Variants in PTPRN2 observed in about 807,000 individuals in gnomAD.
PTPRN2 encodes the protein receptor-type tyrosine-protein phosphatase N2.
Under a neutral mutation model 118.8 loss-of-function variants are expected in PTPRN2, and 74 were observed. That is an observed-to-expected ratio of 0.62 (90% confidence interval 0.52 to 0.76). The LOEUF is 0.76. Ranked by LOEUF, PTPRN2 falls within the 30% of genes least tolerant of loss-of-function variation. The pLI is 0.00. For missense variants in PTPRN2, 1,481 were observed against 1,394.4 expected, an observed-to-expected ratio of 1.06 and a Z score of -0.99; for synonymous variants, 641 against 608.0, an observed-to-expected ratio of 1.05 and a Z score of -0.80.
Position 157,784,075 on chromosome 7 carries a change from AGAG to A in PTPRN2, c.1789-101141_1789-101139del, listed in dbSNP as rs1429470100. Among the ~76,000 whole-genome samples, 1 of 152,200 alleles carries A rather than the reference AGAG, an allele frequency of 6.6e-6. No individual in the cohort carries two copies. The highest frequency in any genetic ancestry group is 1.5e-5 in the Non-Finnish European group (1 of 68,040). On this transcript the variant is annotated intron_variant, in intron 12 of 22. Coordinates refer to ENST00000389418, the MANE Select transcript of PTPRN2 (RefSeq NM_002847.5). This position sits in a 1 kb window ranked among gnomAD's most constrained non-coding sequence, Gnocchi z 4.6. ...GTAGAGACACTCATGGTGTAAGTGC[AGAG>A]GAGGAGAAGGAAGCTGGGATGGGTG... is the stretch of plus-strand genomic sequence containing the variant.
intron 12 of PTPRN2, among the ~76,000 whole-genome samples, chr7:157,892,590 T>G (rs568231413): frequency 4.1e-4 from 62 of 152,316 alleles, no homozygotes; most frequent in African/African-American, 1.4e-3. Context: ...GCTATTAGAT[T>G]TCTGTAATCA....
intron 12 of PTPRN2, among the ~76,000 whole-genome samples, chr7:157,842,945 C>T (rs1260674561): frequency 1.3e-5 from 2 of 152,190 alleles, no homozygotes; most frequent in Non-Finnish European, 2.9e-5. Context: ...GATGTGACAG[C>T]CCAATCCACA....
intron 4 of PTPRN2, among the ~76,000 whole-genome samples, chr7:158,204,795 T>C (rs937303061): frequency 2.6e-5 from 4 of 152,258 alleles, no homozygotes; most frequent in African/African-American, 9.6e-5. Context: ...TACGTTGCTA[T>C]GCTCTGGGAA....
At chr7:158,535,177 T>C (rs181840781) in intron 1 of PTPRN2, among the ~76,000 whole-genome samples, 1 of 152,330 alleles carries the variant, frequency 6.6e-6, no homozygotes, top group South Asian at 2.1e-4. Context: ...AGTTACCCTG[T>C]AGCAAAGGCA....
In PTPRN2 at chr7:158,534,713, G is replaced by T. The variant is rs115350884; in HGVS notation, c.113-44928C>A. 7.8e-3 allele frequency among the ~76,000 whole-genome samples: 1,194 copies of T among 152,278 alleles called. 16 individuals are homozygous for T. Among genetic ancestry groups the T allele is most frequent in the African/African-American group, 0.026 (1,087 of 41,542 alleles). Reference sequence around the variant, plus strand: ...AGCTAGCCTACCACGTCACACAGTGGCCATCTGCCCGGGCATGTTTCACCT... The same window carrying T: ...AGCTAGCCTACCACGTCACACAGTGTCCATCTGCCCGGGCATGTTTCACCT... On this transcript the variant is annotated intron_variant, in intron 1 of 22. Transcript: ENST00000389418.
At chr7:158,557,397 G>C (rs957114464) in intron 1 of PTPRN2, among the ~76,000 whole-genome samples, 3 of 151,768 alleles carry the variant, frequency 2.0e-5, no homozygotes, top group Non-Finnish European at 4.4e-5. Flanking sequence ...GGCAGCTCCC[G>C]CGCAGGTCAG....
chr7:158,052,629 G>A (rs2128897743), intron 11 of PTPRN2, among the ~76,000 whole-genome samples: 1 of 151,810 alleles, frequency 6.6e-6, no homozygotes, highest in Admixed American at 6.5e-5. Flanking sequence ...TTGCCTCGTG[G>A]GGGCCATGGA....
At chr7:158,101,357 T>C (rs1264315999) in intron 10 of PTPRN2, among the ~76,000 whole-genome samples, 1 of 152,148 alleles carries the variant, frequency 6.6e-6, no homozygotes, top group African/African-American at 2.4e-5. Context: ...TCTCCCCTTA[T>C]CCAAAAATCA....
At chr7:157,748,570 C>CTGCGGAGTG (rs1801200263) in intron 12 of PTPRN2, among the ~76,000 whole-genome samples, 4 of 149,378 alleles carry the variant, frequency 2.7e-5, no homozygotes, top group African/African-American at 7.5e-5. Flanking sequence ...CGTCCCTGAG[C>CTGCGGAGTG]TCTGGGGTGT....
In PTPRN2 at chr7:157,677,284, T is replaced by C; in HGVS notation, c.2001+5441A>G. 1.3e-5 allele frequency among the ~76,000 whole-genome samples: 2 copies of C among 152,182 alleles called. 1 individual carries two copies. Among genetic ancestry groups the C allele is most frequent in the Admixed American group, 1.3e-4 (2 of 15,282 alleles). ...CTCAGACTTTCCAATTTTTTTTTTA[T>C]TTCCAAATATCTCACTGCGTGGTCT... On this transcript the variant is annotated intron_variant, in intron 13 of 22. Coordinates refer to ENST00000389418, the MANE Select transcript of PTPRN2 (RefSeq NM_002847.5).
intron 1 of PTPRN2, among the ~76,000 whole-genome samples, chr7:158,560,776 G>A (rs1288242545): frequency 6.6e-6 from 1 of 152,186 alleles, no homozygotes; most frequent in Non-Finnish European, 1.5e-5. Context: ...TATTTGGTTT[G>A]CCAAAAACAC....
intron 6 of PTPRN2, among the ~76,000 whole-genome samples, chr7:158,150,848 G>A (rs530513375): frequency 2.6e-5 from 4 of 151,960 alleles, no homozygotes; most frequent in African/African-American, 7.2e-5. Flanking sequence ...AGCCACTCTG[G>A]CCTCCTTTCT....
intron 11 of PTPRN2, among the ~76,000 whole-genome samples, chr7:157,985,981 C>T (rs1051896555): frequency 2.0e-5 from 3 of 152,170 alleles, no homozygotes; most frequent in Admixed American, 1.3e-4. Context: ...AAGATGCCAC[C>T]GCATGTGAAA....
At chr7:158,443,589 G>C (rs765753805) in intron 2 of PTPRN2, among the ~76,000 whole-genome samples, 6 of 152,088 alleles carry the variant, frequency 3.9e-5, no homozygotes, top group Non-Finnish European at 7.4e-5. Flanking sequence ...CTCCCAACAG[G>C]GGGAGCAGCG....
chr7:158,010,037 C>T (rs35217781), intron 11 of PTPRN2, among the ~76,000 whole-genome samples: 467 of 152,322 alleles, frequency 3.1e-3, no homozygotes, highest in Non-Finnish European at 5.4e-3. Context: ...ACCCTCACTT[C>T]CAGCCATGCC....
intron 3 of PTPRN2, among the ~76,000 whole-genome samples, chr7:158,300,468 T>C (rs1800803403): frequency 2.2e-5 from 2 of 91,234 alleles, no homozygotes; most frequent in African/African-American, 8.3e-5. Flanking sequence ...AAAGATTTTA[T>C]CTCCCAACCT....
rs1255224488 is a variant in PTPRN2 at position 157,813,997 on chromosome 7, G to T, written c.1788+84676C>A. Reference sequence around the variant, plus strand: ...GGAGTTTGCTCCTTAGAGTGAGGGGGATTGTTCTGCCCCAATGGCCTCTTC... The same window carrying T: ...GGAGTTTGCTCCTTAGAGTGAGGGGTATTGTTCTGCCCCAATGGCCTCTTC... On this transcript the variant is annotated intron_variant, in intron 12 of 22. Transcript: ENST00000389418. The surrounding 1 kb of genome is among the most constrained non-coding windows in gnomAD (Gnocchi z 4.7). 6.6e-6 allele frequency among the ~76,000 whole-genome samples: 1 copy of T among 152,250 alleles called. No individual in the cohort carries two copies. Among genetic ancestry groups the T allele is most frequent in the Non-Finnish European group, 1.5e-5 (1 of 68,044 alleles).
chr7:158,189,826 G>C (rs1490585052), intron 5 of PTPRN2, among the ~76,000 whole-genome samples: 1 of 152,236 alleles, frequency 6.6e-6, no homozygotes, highest in African/African-American at 2.4e-5. Context: ...CAGCCCTTCT[G>C]ATAAAGACAC....
chr7:158,283,253 A>C (rs939978397), intron 3 of PTPRN2, among the ~76,000 whole-genome samples: 45 of 152,246 alleles, frequency 3.0e-4, no homozygotes, highest in Admixed American at 2.9e-3. Context: ...ACAGGTAAAC[A>C]AACTCCTATG....
Sources: allele counts gnomAD v4.1 joint callset (sites outside exome capture counted in the v4.1 genomes callset), GRCh38; gene constraint gnomAD v4.1.1; non-coding constraint Gnocchi (gnomAD v3.1); transcripts MANE v1.5; gene names NCBI Gene and HGNC (gene_info 2026-07-23, HGNC 2026-07-21).